ZNF365: variants seen among roughly 807,000 people sequenced by gnomAD.
The protein encoded by ZNF365 is protein ZNF365.
Under a neutral mutation model 35.0 loss-of-function variants are expected in ZNF365, and 22 were observed. The ratio of observed to expected loss-of-function variants is 0.63; its 90% CI spans 0.45 to 0.90. The LOEUF (loss-of-function observed/expected upper bound fraction) is 0.90, where lower values mean the gene tolerates loss of function less well. Among genes scored for constraint, ZNF365 ranks in the 40% least tolerant of loss-of-function variants. The pLI is 0.00. For synonymous variants in ZNF365, 188 were observed against 196.2 expected (o/e 0.96, Z 0.35); for missense variants, 448 against 500.3 (o/e 0.90, Z 1.00).
At chr10:62,382,373 G>T (rs778957849) in intron 2 of ZNF365, among the ~76,000 whole-genome samples, 17 of 152,152 alleles carry the variant, frequency 1.1e-4, no homozygotes, top group Non-Finnish European at 1.0e-4. Context: ...TATAAATGGG[G>T]TCCTCTCTTT....
intron 4 of ZNF365, among the ~76,000 whole-genome samples, chr10:62,463,502 C>T (rs1840881949): frequency 6.6e-6 from 1 of 152,326 alleles, no homozygotes; most frequent in East Asian, 1.9e-4. Context: ...AGAAAAAGAG[C>T]CGGGACAAAT....
rs1026362937 is a variant in ZNF365 at position 62,402,082 on chromosome 10, G to C, written c.*2293G>C. 1.4e-5 allele frequency: 14 copies of C among 985,726 alleles called. No individual in the cohort carries two copies. Among genetic ancestry groups the C allele is most frequent in the Non-Finnish European group, 1.7e-5 (14 of 829,932 alleles). The allele number at this position is 985,726 out of a possible 1,614,324, so 61.1% of individuals were successfully genotyped here. A position where few individuals can be genotyped will look rare whatever the true frequency, so the allele number is the denominator to read the frequency against. The stretch of plus-strand genomic sequence containing the variant: ...TGGCCTGAGCTAAGTACCATGTCCT[G>C]TTTGTGTCTTATTTTTAAATATTTT... On this transcript the variant is annotated 3_prime_UTR_variant, in exon 5 of 5. Coordinates refer to ENST00000395254, the MANE Select transcript of ZNF365 (RefSeq NM_014951.3).
intron 3 of ZNF365, among the ~76,000 whole-genome samples, chr10:62,451,693 A>G (rs1840686271): frequency 6.6e-6 from 1 of 152,206 alleles, no homozygotes; most frequent in African/African-American, 2.4e-5. Context: ...GGTTACCGAC[A>G]TTCCCTCTCT....
intron 3 of ZNF365, among the ~76,000 whole-genome samples, chr10:62,398,159 G>C (rs1219626514): frequency 6.6e-6 from 1 of 152,164 alleles, no homozygotes; most frequent in African/African-American, 2.4e-5. Flanking sequence ...CATGTTTATA[G>C]CAGCACAATT....
chr10:62,393,278 A>G (rs1001053479), intron 3 of ZNF365, among the ~76,000 whole-genome samples: 3 of 152,250 alleles, frequency 2.0e-5, no homozygotes, highest in Non-Finnish European at 2.9e-5. Context: ...AAAGATTAAA[A>G]GTATAGTATA....
intron 3 of ZNF365, among the ~76,000 whole-genome samples, chr10:62,419,695 A>G (rs1358067876): frequency 6.6e-6 from 1 of 152,184 alleles, no homozygotes; most frequent in East Asian, 1.9e-4. Flanking sequence ...AGATGAATAC[A>G]TGGCTCAAAG....
chr10:62,428,027 C>T (rs889185604), intron 3 of ZNF365, among the ~76,000 whole-genome samples: 4 of 152,112 alleles, frequency 2.6e-5, no homozygotes, highest in African/African-American at 4.8e-5. Context: ...TAGCCTCAAC[C>T]GCAGGTTTAG....
intron 4 of ZNF365, 56 bp from the exon 5 acceptor site, chr10:62,399,472 A>G: frequency 6.3e-7 from 1 of 1,587,748 alleles, no homozygotes; most frequent in Non-Finnish European, 8.6e-7. Flanking sequence ...TAAGGTTTTA[A>G]AGAAATCTTT....
At chr10:62,458,706 T>G (rs1840800135) in intron 3 of ZNF365, among the ~76,000 whole-genome samples, 1 of 152,164 alleles carries the variant, frequency 6.6e-6, no homozygotes. Flanking sequence ...TATTTTTTAA[T>G]AATATTAGCT....
intron 4 of ZNF365, chr10:62,479,855 C>T (rs1589478943): frequency 3.8e-6 from 6 of 1,569,726 alleles, no homozygotes; most frequent in Non-Finnish European, 5.3e-6. Context: ...TACTAACTTT[C>T]CTTTTGGCTT....
intron 2 of ZNF365, among the ~76,000 whole-genome samples, chr10:62,385,966 G>C (rs981478912): frequency 2.0e-5 from 3 of 151,964 alleles, no homozygotes; most frequent in Non-Finnish European, 4.4e-5. Context: ...GCATCATTCA[G>C]TTATCCTAAA....
chr10:62,379,160 T>C lies in ZNF365; in HGVS notation c.743+2224T>C, dbSNP rs776585257. On this transcript the variant is annotated intron_variant, in intron 2 of 4. Transcript: ENST00000395254. ...GCCTCAGCCTCCCAAGTAGCTGGGG[T>C]TACAGGCGCCCACCACTGCACCCAG... 6.6e-5 allele frequency among the ~76,000 whole-genome samples: 10 copies of C among 151,852 alleles called. No individual in the cohort carries two copies. In the Middle Eastern group the frequency reaches 0.01, roughly 155 times the overall value.
rs1477035090 is a variant in ZNF365 at position 62,399,836 on chromosome 10, T to A, written c.*47T>A. On this transcript the variant is annotated 3_prime_UTR_variant, in exon 5 of 5. Transcript: ENST00000395254. ...AATCATCGCTGGGCTTTGGGGAACG[T>A]TGTTCCAGGAGCCAACAGTAATGTC... 1.3e-6 allele frequency: 2 copies of A among 1,560,574 alleles called. No homozygotes were observed. The highest frequency in any genetic ancestry group is 4.6e-5 in the East Asian group (2 of 43,898).
chr10:62,378,538 C>G (rs1049396949), intron 2 of ZNF365, among the ~76,000 whole-genome samples: 2 of 152,092 alleles, frequency 1.3e-5, no homozygotes, highest in Non-Finnish European at 2.9e-5. Context: ...ACCTGAGCAC[C>G]AACTGAAAAA....
At chr10:62,427,184 G>C (rs1469073096) in intron 3 of ZNF365, among the ~76,000 whole-genome samples, 1 of 152,120 alleles carries the variant, frequency 6.6e-6, no homozygotes, top group Non-Finnish European at 1.5e-5. Context: ...CATTATTTTA[G>C]AGTGTACTCC....
At chr10:62,440,223 T>G (rs1377090621) in intron 3 of ZNF365, among the ~76,000 whole-genome samples, 1 of 152,048 alleles carries the variant, frequency 6.6e-6, no homozygotes, top group Non-Finnish European at 1.5e-5. Flanking sequence ...CTCTTCTTGT[T>G]TCTTTCTCTT....
At chr10:62,420,941 C>G (rs1438561823) in intron 3 of ZNF365, among the ~76,000 whole-genome samples, 2 of 151,386 alleles carry the variant, frequency 1.3e-5, no homozygotes, top group Non-Finnish European at 1.5e-5. Context: ...TGTCACCACA[C>G]CCGGCTAGTT....
At chr10:62,475,446 T>A (rs565836107) in intron 4 of ZNF365, among the ~76,000 whole-genome samples, 99 of 152,172 alleles carry the variant, frequency 6.5e-4, no homozygotes, top group African/African-American at 1.7e-3. Flanking sequence ...AAAATAAAAT[T>A]AAATTAAAAA....
intron 3 of ZNF365, among the ~76,000 whole-genome samples, chr10:62,451,031 G>C (rs1840675947): frequency 6.6e-6 from 1 of 152,106 alleles, no homozygotes; most frequent in South Asian, 2.1e-4. Context: ...CTCACTGCCT[G>C]GTGTTTAGAC....
Sources: allele counts gnomAD v4.1 joint callset (sites outside exome capture counted in the v4.1 genomes callset), GRCh38; gene constraint gnomAD v4.1.1; transcripts MANE v1.5; gene names NCBI Gene and HGNC (gene_info 2026-07-23, HGNC 2026-07-21).